The following TWNK variants were observed in gnomAD, a reference collection of about 807,000 sequenced individuals.
TWNK encodes the protein T7 gp4-like protein with intramitochondrial nucleoid localization.
A neutral mutation model predicts 58.2 loss-of-function variants in TWNK; 36 were observed. That is an observed-to-expected ratio of 0.62 (90% confidence interval 0.47 to 0.82). The LOEUF (loss-of-function observed/expected upper bound fraction) is 0.82, where lower values mean the gene tolerates loss of function less well. Ranked by LOEUF, TWNK falls within the 40% of genes least tolerant of loss-of-function variation. The pLI is 0.00. For missense variants in TWNK, 714 were observed against 881.0 expected (o/e 0.81, Z 2.40); for synonymous variants, 349 against 348.5 (o/e 1.00, Z -0.02).
Position 100,993,558 on chromosome 10 carries a change from G to T in TWNK, c.*48G>T, listed in dbSNP as rs1479980522. On this transcript the variant is annotated 3_prime_UTR_variant, in exon 5 of 5. Coordinates refer to ENST00000311916, the MANE Select transcript of TWNK (RefSeq NM_021830.5). ...GAAATGAGCCTGATAGGATAGGCTG[G>T]AGCATAAAACTCTGCAAGGGCTCCT... 5 of 1,598,138 alleles carry T rather than the reference G, an allele frequency of 3.1e-6. No individual in the cohort carries two copies. Among genetic ancestry groups the T allele is most frequent in the African/African-American group, 1.3e-5 (1 of 74,662 alleles).
rs759603316 is a variant in TWNK at position 100,989,084 on chromosome 10, C to A, written c.874C>A (p.Pro292Thr). 11 of 1,613,844 alleles carry A rather than the reference C, an allele frequency of 6.8e-6. No individual in the cohort carries two copies. Among genetic ancestry groups the A allele is most frequent in the Non-Finnish European group, 9.3e-6 (11 of 1,179,816 alleles). ...ACCCCGAGGAACGACCTGCTTACCC[C>A]CTGCCTTACTCCCTTACCTGGAACA... ...TLPRGTTCLPPALLPYLEQFR... is the reference protein window; with the variant it reads ...TLPRGTTCLPTALLPYLEQFR... Residue 292 changes from proline (P) to threonine (T), a missense_variant, in exon 1 of 5, where the codon CCT becomes ACT. Pro to Thr is a conservative substitution (Grantham distance 38). Transcript: ENST00000311916. This position sits in a 1 kb window ranked among gnomAD's most constrained non-coding sequence, Gnocchi z 7.6.
Position 100,987,605 on chromosome 10 carries a change from A to C in TWNK, c.-606A>C. On this transcript the variant is annotated 5_prime_UTR_variant, in exon 1 of 5. Transcript: ENST00000311916. ...TCACGTTGCCGGCGAAGTGGGAGAG[A>C]GAAAAGTGGTAACCTGGGGCTGGGG... The C allele has an allele frequency of 8.9e-7, 1 of 1,120,580 alleles. No homozygotes were observed. The highest frequency in any genetic ancestry group is 1.2e-6 in the Non-Finnish European group (1 of 810,318). The allele number at this position is 1,120,580 out of a possible 1,614,324, so 69.4% of individuals were successfully genotyped here.
chr10:100,993,796 A>C lies in TWNK; in HGVS notation c.*286A>C, dbSNP rs1327208914. 1 of 485,432 alleles carries C rather than the reference A, an allele frequency of 2.1e-6. No individual in the cohort carries two copies. The highest frequency in any genetic ancestry group is 1.9e-5 in the African/African-American group (1 of 51,840). 30.1% of individuals were successfully genotyped at this position (485,432 alleles called of 1,614,324 possible). A position where few individuals can be genotyped will look rare whatever the true frequency, so the allele number is the denominator to read the frequency against. On this transcript the variant is annotated 3_prime_UTR_variant, in exon 5 of 5. Transcript: ENST00000311916. ...CGGAAGAGACAAGCAAGCAATGAAC[A>C]AATTAGCAGAAAACCTAGTTTTAGT...
chr10:100,993,500 G>T lies in TWNK; in HGVS notation c.2045G>T (p.Arg682Leu), dbSNP rs182559752. The T allele has an allele frequency of 1.2e-6, 2 of 1,613,982 alleles. No individual in the cohort carries two copies. Among genetic ancestry groups the T allele is most frequent in the African/African-American group, 2.7e-5 (2 of 74,928 alleles). Reference sequence around the variant, plus strand: ...CCCGACCAGCCAGACACCTCCAAGCGTTCAAAGTGAAGGCCGTGCAGAGCT... The same window carrying T: ...CCCGACCAGCCAGACACCTCCAAGCTTTCAAAGTGAAGGCCGTGCAGAGCT... ...PTPDQPDTSK[R>L]SK Residue 682 changes from arginine to leucine, a missense_variant, in exon 5 of 5, where the codon CGT (arginine) becomes CTT (leucine). Transcript: ENST00000311916.
rs201795189 is a variant in TWNK at position 100,993,176 on chromosome 10, C to A, written c.1735-14C>A. ...CTTACTCCTGCTTTCCTCCTTCTGC[C>A]CCCTGTTCCCCAGGCAAGCCAGGAA... On this transcript the variant is annotated splice_polypyrimidine_tract_variant and intron_variant, in intron 4 of 4. Coordinates refer to ENST00000311916, the MANE Select transcript of TWNK (RefSeq NM_021830.5). The A allele has an allele frequency of 2.3e-3, 3,739 of 1,613,960 alleles. 8 individuals carry two copies. Among genetic ancestry groups the A allele is most frequent in the Non-Finnish European group, 2.9e-3 (3,412 of 1,179,924 alleles).
chr10:100,987,741 G>C lies in TWNK; in HGVS notation c.-470G>C. The C allele has an allele frequency of 1.7e-6, 1 of 584,538 alleles. No individual in the cohort carries two copies. Among genetic ancestry groups the C allele is most frequent in the South Asian group, 2.2e-5 (1 of 46,502 alleles). 36.2% of individuals were successfully genotyped at this position (584,538 alleles called of 1,614,324 possible). On this transcript the variant is annotated 5_prime_UTR_variant, in exon 1 of 5. Coordinates refer to ENST00000311916, the MANE Select transcript of TWNK (RefSeq NM_021830.5). ...GGCGGGAGTCGTGCTGGGTGCTCTC[G>C]CCGTGTTGAGGTCCCAGTGAGGGGA...
In TWNK at chr10:100,988,222, C is replaced by T. The variant is rs761133539; in HGVS notation, c.12C>T (p.Leu4=). 6.2e-7 allele frequency: 1 copy of T among 1,614,154 alleles called. No homozygotes were observed. The highest frequency in any genetic ancestry group is 1.3e-5 in the African/African-American group (1 of 75,062). Residue 4 remains leucine (L), a synonymous_variant, in exon 1 of 5, where the codon CTC becomes CTT. Transcript: ENST00000311916. The surrounding 1 kb of genome is among the most constrained non-coding windows in gnomAD (Gnocchi z 5.2). MWV[L]LRSGYPLRIL... is the part of the protein sequence containing the mutation. ...ACATTTGGCTAGGAATGTGGGTCCT[C>T]CTCCGAAGTGGGTACCCCCTCCGTA...
chr10:100,988,379 G>A lies in TWNK; in HGVS notation c.169G>A (p.Ala57Thr), dbSNP rs373068264. 3.2e-5 allele frequency: 52 copies of A among 1,614,156 alleles called. No individual in the cohort carries two copies. Among genetic ancestry groups the A allele is most frequent in the African/African-American group, 2.7e-4 (20 of 74,950 alleles). ...GGATATGCCAGTGTTGCCTGTAACT[G>A]CAACTGAAATCCGCCAGTATTTGCG... ...ALDMPVLPVT[A>T]TEIRQYLRGH... The change falls in exon 1 of 5, where the codon GCA becomes ACA. Residue 57 changes from alanine to threonine, a missense_variant. By Grantham distance (58) the Ala-to-Thr change is moderately conservative. Transcript: ENST00000311916. This position sits in a 1 kb window ranked among gnomAD's most constrained non-coding sequence, Gnocchi z 5.2.
chr10:100,990,723 G>C, intron 3 of TWNK, 146 bp from the exon 4 acceptor site: 1 of 1,580,322 alleles, frequency 6.3e-7, no homozygotes. Flanking sequence ...AGGATGTATG[G>C]ACAGGGATCT....
intron 4 of TWNK, among the ~76,000 whole-genome samples, chr10:100,992,255 C>A (rs1263694147): frequency 7.6e-6 from 1 of 130,850 alleles, no homozygotes; most frequent in African/African-American, 2.8e-5. Flanking sequence ...GCTTTGTCAC[C>A]CAGGCTGGAG....
In TWNK at chr10:100,988,380, C is replaced by T. The variant is rs2133934737; in HGVS notation, c.170C>T (p.Ala57Val). 6.2e-7 allele frequency: 1 copy of T among 1,614,280 alleles called. No individual in the cohort carries two copies. The highest frequency in any genetic ancestry group is 1.1e-5 in the South Asian group (1 of 91,092). Residue 57 changes from alanine (A) to valine (V), a missense_variant, in exon 1 of 5, where the codon GCA becomes GTA. Transcript: ENST00000311916. The surrounding 1 kb of genome is among the most constrained non-coding windows in gnomAD (Gnocchi z 5.2). ...ALDMPVLPVT[A>V]TEIRQYLRGH... ...GATATGCCAGTGTTGCCTGTAACTGCAACTGAAATCCGCCAGTATTTGCGG... is the reference window on the plus strand; with the variant it reads ...GATATGCCAGTGTTGCCTGTAACTGTAACTGAAATCCGCCAGTATTTGCGG...
chr10:100,992,818 G>A (rs1249473325), intron 4 of TWNK, among the ~76,000 whole-genome samples: 3 of 151,106 alleles, frequency 2.0e-5, no homozygotes, highest in South Asian at 2.1e-4. Flanking sequence ...ACGGAGTCTC[G>A]CTCTGTTGCC....
At chr10:100,993,136 C>G in intron 4 of TWNK, 54 bp from the exon 5 acceptor site, 1 of 1,586,740 alleles carries the variant, frequency 6.3e-7, no homozygotes, top group East Asian at 2.2e-5. Flanking sequence ...CCCCTTTCTG[C>G]TTTGCTCATG....
In TWNK at chr10:100,988,845, G is replaced by A. The variant is rs1457399193; in HGVS notation, c.635G>A (p.Gly212Glu). ...RSLVFPWFSP[G>E]GSGLRGLKLL... ...CTTGTCTTCCCTTGGTTCTCCCCTG[G>A]GGGCTCAGGATTACGAGGCCTGAAG... The change falls in exon 1 of 5, where the codon GGG (glycine) becomes GAG (glutamate). Residue 212 changes from glycine to glutamate, a missense_variant. Gly to Glu is a moderately conservative substitution (Grantham distance 98). This residue lies in a region of TWNK where 348 missense variants were observed against 388.4 expected (regional missense o/e 0.90). Transcript: ENST00000311916. The surrounding 1 kb of genome is among the most constrained non-coding windows in gnomAD (Gnocchi z 5.2). 1.2e-6 allele frequency: 2 copies of A among 1,614,160 alleles called. No homozygotes were observed. The highest frequency in any genetic ancestry group is 1.7e-6 in the Non-Finnish European group (2 of 1,180,030).
rs1851709325 is a variant in TWNK, at chr10:100,989,564, C to T, written c.1244-80C>T. The T allele has an allele frequency of 2.5e-6, 4 of 1,610,888 alleles. No homozygotes were observed. In the South Asian group the frequency reaches 3.3e-5, roughly 13 times the overall value. ...GAAAAGAAGGTTGGCCCTTTCCCCC[C>T]AGTTTTAAAGCCCTGACCTATGTCT... On this transcript the variant is annotated intron_variant, in intron 1 of 4. Transcript: ENST00000311916. This position sits in a 1 kb window ranked among gnomAD's most constrained non-coding sequence, Gnocchi z 7.6.
At chr10:100,991,273 G>C (rs1016079086) in intron 4 of TWNK, 3 of 548,658 alleles carry the variant, frequency 5.5e-6, no homozygotes, top group South Asian at 4.2e-5. Context: ...TATGATAAGA[G>C]TATGATAGGC....
rs535996146 is a variant in TWNK at position 100,988,094 on chromosome 10, C to T, written c.-117C>T. ...GAAATTCATGGAGAGAAAGAATGCA[C>T]CTAGAGTGAGCTCTGCAGAGTGCTG... On this transcript the variant is annotated 5_prime_UTR_variant, in exon 1 of 5. Transcript: ENST00000311916. This position sits in a 1 kb window ranked among gnomAD's most constrained non-coding sequence, Gnocchi z 5.2. 3.4e-6 allele frequency: 4 copies of T among 1,187,954 alleles called. No homozygotes were observed. The South Asian group carries it at 4.9e-5, about 14-fold the overall frequency. The allele number at this position is 1,187,954 out of a possible 1,614,324, so 73.6% of individuals were successfully genotyped here. A position where few individuals can be genotyped will look rare whatever the true frequency, so the allele number is the denominator to read the frequency against.
In TWNK at chr10:100,993,263, T is replaced by C; in HGVS notation, c.1808T>C (p.Leu603Pro). 6.2e-7 allele frequency: 1 copy of C among 1,614,258 alleles called. No homozygotes were observed. The highest frequency in any genetic ancestry group is 8.5e-7 in the Non-Finnish European group (1 of 1,180,046). The change falls in exon 5 of 5, where the codon CTG (leucine) becomes CCG (proline). Residue 603 changes from leucine (L) to proline (P), a missense_variant. Around this residue, in one of 3 missense-constraint regions of TWNK, gnomAD observed 302 missense variants for 438.6 expected, o/e 0.69. Transcript: ENST00000311916. The part of the protein sequence containing the change: ...KLVTGPGKRY[L>P]QVSKNRFDGD... ...GTAACCGGGCCAGGGAAACGGTATC[T>C]GCAGGTGTCCAAGAACCGCTTTGAT...
rs386834146 is a variant in TWNK, at chr10:100,989,787, C to T, written c.1387C>T (p.Arg463Trp). 45 of 1,614,062 alleles carry T rather than the reference C, an allele frequency of 2.8e-5. No individual in the cohort carries two copies. Among genetic ancestry groups the T allele is most frequent in the Non-Finnish European group, 3.6e-5 (42 of 1,180,044 alleles). The change falls in exon 2 of 5, where the codon CGG becomes TGG. Residue 463 changes from arginine to tryptophan, a missense_variant. This residue lies in a region of TWNK where 302 missense variants were observed against 438.6 expected (regional missense o/e 0.69). Transcript: ENST00000311916. This position sits in a 1 kb window ranked among gnomAD's most constrained non-coding sequence, Gnocchi z 7.6. ...CATGCTGACACAGTTTGCCGAGGGG[C>T]GGCTGGAAGATCAACTGGACAAATA... ...RVMLTQFAEGRLEDQLDKYDH... is the reference protein window; with the variant it reads ...RVMLTQFAEGWLEDQLDKYDH...
Sources: allele counts gnomAD v4.1 joint callset (sites outside exome capture counted in the v4.1 genomes callset), GRCh38; gene constraint gnomAD v4.1.1; regional missense constraint gnomAD v4.1.1; non-coding constraint Gnocchi (gnomAD v3.1); transcripts MANE v1.5; gene names NCBI Gene and HGNC (gene_info 2026-07-23, HGNC 2026-07-21).